COL1A1: variants seen among roughly 807,000 people sequenced by gnomAD.
The protein encoded by COL1A1 is collagen type I alpha 1 chain.
Under a neutral mutation model 195.7 loss-of-function variants are expected in COL1A1, and 21 were observed. That is an observed-to-expected ratio of 0.11 (90% CI 0.08 to 0.15). The LOEUF (loss-of-function observed/expected upper bound fraction) is 0.15, where lower values mean the gene tolerates loss of function less well. COL1A1 is among the 10% of genes least tolerant of loss of function. COL1A1 has a pLI of 1.00. For synonymous variants in COL1A1, 749 were observed against 747.3 expected (o/e 1.00, Z -0.04); for missense variants, 1,365 against 2,051.0 (o/e 0.67, Z 6.46).
Position 50,195,896 on chromosome 17 carries a change from T to C in COL1A1, c.1056+27A>G, listed in dbSNP as rs1299357786. The C allele has an allele frequency of 4.5e-6, 7 of 1,565,338 alleles. No homozygotes were observed. Among genetic ancestry groups the C allele is most frequent in the Non-Finnish European group, 6.1e-6 (7 of 1,154,354 alleles). On this transcript the variant is annotated intron_variant, in intron 16 of 50. Transcript: ENST00000225964. This position sits in a 1 kb window ranked among gnomAD's most constrained non-coding sequence, Gnocchi z 4.3. ...TGAACCCCTTGGCCCATGAGGGTCA[T>C]GCTTAGAGGAGAGTGGGGGGTCTCA...
At position 50,193,933 on chromosome 17, in the gene COL1A1, TA is replaced by T; in HGVS notation, c.1767+9del. The stretch of plus-strand genomic sequence containing the variant: ...CCCTGGCTCTTCATGGATCCTCACT[TA>T]ATACTCACAGCAGCACCTTTAGGTC... On this transcript the variant is annotated intron_variant, in intron 25 of 50. Coordinates refer to ENST00000225964, the MANE Select transcript of COL1A1 (RefSeq NM_000088.4). The T allele has an allele frequency of 6.2e-7, 1 of 1,612,372 alleles. No homozygotes were observed. The highest frequency in any genetic ancestry group is 8.5e-7 in the Non-Finnish European group (1 of 1,178,474).
chr17:50,189,573 G>T lies in COL1A1; in HGVS notation c.2668-35C>A. ...GATAGGAGGGGCTGTCAGACTCCAG[G>T]GGGCTCTGGTGCATCATTGGGTCCT... On this transcript the variant is annotated intron_variant, in intron 38 of 50. Transcript: ENST00000225964. The surrounding 1 kb of genome is among the most constrained non-coding windows in gnomAD (Gnocchi z 5.5). The T allele has an allele frequency of 6.2e-7, 1 of 1,613,068 alleles. No individual in the cohort carries two copies. Among genetic ancestry groups the T allele is most frequent in the East Asian group, 2.2e-5 (1 of 44,766 alleles).
chr17:50,186,599 G>A lies in COL1A1; in HGVS notation c.3814+41C>T. On this transcript the variant is annotated intron_variant, in intron 48 of 50. Transcript: ENST00000225964. This position sits in a 1 kb window ranked among gnomAD's most constrained non-coding sequence, Gnocchi z 5.3. ...ATATGGGCATGGGGACCCTGGCATG[G>A]CAGGAGTAGGAGGGAGGGAGAGGCT... The A allele has an allele frequency of 6.2e-7, 1 of 1,613,434 alleles. No homozygotes were observed. The highest frequency in any genetic ancestry group is 8.5e-7 in the Non-Finnish European group (1 of 1,179,930).
At position 50,195,150 on chromosome 17, in the gene COL1A1, GCCTGCGTCTT is replaced by G. The variant is rs748311235; in HGVS notation, c.1300-60_1300-51del. 4.1e-5 allele frequency: 66 copies of G among 1,607,694 alleles called. No homozygotes were observed. The East Asian group carries it at 1.3e-3, about 32-fold the overall frequency. Reference sequence around the variant, plus strand: ...GCTGAGAGTCGGGGGCGCTCAGTTGGCCTGCGTCTTCCTGCTCCCCAGATGAGAGCCGCAC... The same window carrying G: ...GCTGAGAGTCGGGGGCGCTCAGTTGGCCTGCTCCCCAGATGAGAGCCGCAC... On this transcript the variant is annotated intron_variant, in intron 19 of 50. Coordinates refer to ENST00000225964, the MANE Select transcript of COL1A1 (RefSeq NM_000088.4). The surrounding 1 kb of genome is among the most constrained non-coding windows in gnomAD (Gnocchi z 4.3).
Position 50,190,665 on chromosome 17 carries a change from A to C in COL1A1, c.2344-69T>G. 1 of 1,570,982 alleles carries C rather than the reference A, an allele frequency of 6.4e-7. No homozygotes were observed. The highest frequency in any genetic ancestry group is 1.1e-5 in the South Asian group (1 of 88,936). On this transcript the variant is annotated intron_variant, in intron 33 of 50. Coordinates refer to ENST00000225964, the MANE Select transcript of COL1A1 (RefSeq NM_000088.4). The surrounding 1 kb of genome is among the most constrained non-coding windows in gnomAD (Gnocchi z 4.7). ...AATACTCCTAGTAGATGACCCCAGG[A>C]GAGCCTCCCCTCCTTCTGGTCCCTC...
Position 50,199,850 on chromosome 17 carries a change from C to G in COL1A1, c.201G>C (p.Lys67Asn), listed in dbSNP as rs750319767. Residue 67 changes from lysine (K) to asparagine (N), a missense_variant, in exon 2 of 51, where the codon AAG becomes AAC. Lys to Asn is a moderately conservative substitution (Grantham distance 94, BLOSUM62 0). Transcript: ENST00000225964. Reference sequence around the variant, plus strand: ...CACAGATCACGTCATCGCACAACACCTTGCCGTTGTCGCAGACGCAGATCC... The same window carrying G: ...CACAGATCACGTCATCGCACAACACGTTGCCGTTGTCGCAGACGCAGATCC... ...PCRICVCDNG[K>N]VLCDDVICDE... is the part of the protein sequence containing the mutation. The G allele has an allele frequency of 6.2e-7, 1 of 1,614,118 alleles. No individual in the cohort carries two copies. Among genetic ancestry groups the G allele is most frequent in the Non-Finnish European group, 8.5e-7 (1 of 1,180,054 alleles).
Position 50,194,870 on chromosome 17 carries a change from C to G in COL1A1, c.1354-42G>C. 1 of 1,558,036 alleles carries G rather than the reference C, an allele frequency of 6.4e-7. No homozygotes were observed. Among genetic ancestry groups the G allele is most frequent in the Non-Finnish European group, 8.7e-7 (1 of 1,143,296 alleles). ...GGAGGAGGCGGCCTGTGGTGAGGGG[C>G]CATCCTGTGCCAGCCTCAGAGCCGG... On this transcript the variant is annotated intron_variant, in intron 20 of 50. Transcript: ENST00000225964. The surrounding 1 kb of genome is among the most constrained non-coding windows in gnomAD (Gnocchi z 6.8).
At position 50,189,350 on chromosome 17, in the gene COL1A1, G is replaced by C; in HGVS notation, c.2829+27C>G. The C allele has an allele frequency of 2.5e-6, 4 of 1,613,688 alleles. No homozygotes were observed. Among genetic ancestry groups the C allele is most frequent in the Non-Finnish European group, 3.4e-6 (4 of 1,179,926 alleles). On this transcript the variant is annotated intron_variant, in intron 39 of 50. Transcript: ENST00000225964. This position sits in a 1 kb window ranked among gnomAD's most constrained non-coding sequence, Gnocchi z 5.5. ...CTCCCCAGCTCTGCACACCTCCGGA[G>C]CTGCAGAGATCTGAGCTGGCACTTA...
chr17:50,198,764 T>G, intron 5 of COL1A1: 2 of 533,586 alleles, frequency 3.7e-6, no homozygotes, highest in Non-Finnish European at 6.8e-6. Flanking sequence ...CTGAGGAACG[T>G]TCTACATTTG....
chr17:50,198,061 T>A, intron 7 of COL1A1, 59 bp from the exon 8 acceptor site: 2 of 1,608,592 alleles, frequency 1.2e-6, no homozygotes. Context: ...TTCTCCAATC[T>A]TACCAAGAGA....
chr17:50,198,380 CCTCTGGATACCCATT>C, intron 6 of COL1A1, 38 bp downstream of exon 6: 1 of 1,593,488 alleles, frequency 6.3e-7, no homozygotes, highest in South Asian at 1.1e-5. Flanking sequence ...ATGCCCACCT[CCTCTGGATACCCATT>C]CTCTCTTCTG....
chr17:50,190,973 A>G lies in COL1A1; in HGVS notation c.2236-49T>C, dbSNP rs759516846. ...ATTTCCAGTGTGGGGCAAGGAGGTG[A>G]CCTATAGTGTTCTGCTTGTGTCTGG... On this transcript the variant is annotated intron_variant, in intron 32 of 50. Coordinates refer to ENST00000225964, the MANE Select transcript of COL1A1 (RefSeq NM_000088.4). The surrounding 1 kb of genome is among the most constrained non-coding windows in gnomAD (Gnocchi z 4.7). 1.9e-6 allele frequency: 3 copies of G among 1,560,612 alleles called. No homozygotes were observed. The highest frequency in any genetic ancestry group is 1.7e-4 in the Middle Eastern group (1 of 5,966).
Position 50,188,745 on chromosome 17 carries a change from G to C in COL1A1, c.3096C>G (p.Ala1032=), listed in dbSNP as rs1906789324. The change falls in exon 42 of 51, where the codon GCC becomes GCG. Residue 1032 remains alanine, a synonymous_variant. Coordinates refer to ENST00000225964, the MANE Select transcript of COL1A1 (RefSeq NM_000088.4). This position sits in a 1 kb window ranked among gnomAD's most constrained non-coding sequence, Gnocchi z 5.6. ...TCATGGAGTGTTGCCATCTTACCTT[G>C]GCGCCAGGAGAACCGTCTCGTCCAG... The part of the protein sequence containing the change: ...GSPGRDGSPG[A]KGDRGETGPA... 6.2e-7 allele frequency: 1 copy of C among 1,614,062 alleles called. No homozygotes were observed. Among genetic ancestry groups the C allele is most frequent in the Non-Finnish European group, 8.5e-7 (1 of 1,179,968 alleles).
intron 27 of COL1A1, 51 bp downstream of exon 27, chr17:50,192,746 A>C (rs1386054317): frequency 6.2e-7 from 1 of 1,613,792 alleles, no homozygotes; most frequent in Non-Finnish European, 8.5e-7. Flanking sequence ...CGAGGGGCTG[A>C]GGGTGTCTCC....
intron 1 of COL1A1, among the ~76,000 whole-genome samples, chr17:50,200,439 G>A (rs1324517834): frequency 6.6e-6 from 1 of 152,038 alleles, no homozygotes; most frequent in Non-Finnish European, 1.5e-5. Context: ...GAATGGGAGC[G>A]GCTGATTGGA....
In COL1A1 at chr17:50,190,245, C is replaced by CT; in HGVS notation, c.2451+81dup. On this transcript the variant is annotated intron_variant, in intron 35 of 50. Transcript: ENST00000225964. The surrounding 1 kb of genome is among the most constrained non-coding windows in gnomAD (Gnocchi z 4.7). ...CTCCACCCTTCTCCCCTGAGGATGG[C>CT]TGACGCCTTTGTCCTCATTCCGTCC... The CT allele has an allele frequency of 7.8e-7, 1 of 1,288,278 alleles. No homozygotes were observed. 79.8% of individuals were successfully genotyped at this position (1,288,278 alleles called of 1,614,324 possible).
At chr17:50,198,097 T>A in intron 7 of COL1A1, 64 bp downstream of exon 7, 3 of 1,609,022 alleles carry the variant, frequency 1.9e-6, no homozygotes, top group Non-Finnish European at 2.6e-6. Context: ...CCTGCCCTCA[T>A]CCCAGTCTTC....
At position 50,186,701 on chromosome 17, in the gene COL1A1, G is replaced by A. The variant is rs748620595; in HGVS notation, c.3753C>T (p.Ser1251=). Residue 1251 remains serine (S), a synonymous_variant, in exon 48 of 51, where the codon AGC becomes AGT. Coordinates refer to ENST00000225964, the MANE Select transcript of COL1A1 (RefSeq NM_000088.4). This position sits in a 1 kb window ranked among gnomAD's most constrained non-coding sequence, Gnocchi z 5.3. ...GGCAGGTGCGGGCGGGGTTCTTGCG[G>A]CTGCCCTCTGGGCTCCGGATGTTCT... ...QIENIRSPEG[S]RKNPARTCRD... is the part of the protein sequence containing the mutation. 4 of 1,613,598 alleles carry A rather than the reference G, an allele frequency of 2.5e-6. No individual in the cohort carries two copies. The East Asian group carries it at 6.7e-5, about 27-fold the overall frequency.
rs193922157 is a variant in COL1A1, at chr17:50,198,459, C to G, written c.517G>C (p.Gly173Arg). ...ATGGGGCCAGGCACGGAAATTCCTC[C>G]GGTTGATTTCTCATCATAGCCATAA... is the stretch of plus-strand genomic sequence containing the variant. ...LSYGYDEKSTGGISVPGPMGP... is the reference protein window; with the variant it reads ...LSYGYDEKSTRGISVPGPMGP... The change falls in exon 6 of 51, where the codon GGA becomes CGA. Residue 173 changes from glycine to arginine, a missense_variant. Transcript: ENST00000225964. 6.2e-7 allele frequency: 1 copy of G among 1,613,420 alleles called. No individual in the cohort carries two copies. The highest frequency in any genetic ancestry group is 8.5e-7 in the Non-Finnish European group (1 of 1,179,762).
Sources: gnomAD v4.1 joint callset for allele counts (sites outside exome capture counted in the v4.1 genomes callset) on GRCh38, gnomAD v4.1.1 for gene constraint, Gnocchi (gnomAD v3.1) non-coding constraint, MANE v1.5 for transcripts, NCBI Gene and HGNC (gene_info 2026-07-23, HGNC 2026-07-21) for gene names.